CCM2L: variants seen among roughly 807,000 people sequenced by gnomAD.
The protein encoded by CCM2L is CCM2 like scaffold protein.
Under a neutral mutation model 54.1 loss-of-function variants are expected in CCM2L, and 36 were observed. The ratio of observed to expected loss-of-function variants is 0.67; its 90% CI spans 0.51 to 0.88. The LOEUF is 0.88. Among genes scored for constraint, CCM2L ranks in the 40% least tolerant of loss-of-function variants. The probability of loss-of-function intolerance (pLI) is 0.00; values close to 1 mark genes in which losing one functional copy is unlikely to be tolerated. For missense variants in CCM2L, 700 were observed against 812.1 expected, an observed-to-expected ratio of 0.86 and a Z score of 1.68; for synonymous variants, 351 against 359.3, an observed-to-expected ratio of 0.98 and a Z score of 0.26.
At chr20:32,018,685 A>G (rs886535319) in intron 4 of CCM2L, among the ~76,000 whole-genome samples, 4 of 151,686 alleles carry the variant, frequency 2.6e-5, no homozygotes, top group Non-Finnish European at 4.4e-5. Context: ...GTCTGAGGCC[A>G]GGGGCGCAGG....
chr20:32,020,695 G>T (rs1041032286), intron 5 of CCM2L, among the ~76,000 whole-genome samples: 1 of 152,076 alleles, frequency 6.6e-6, no homozygotes, highest in African/African-American at 2.4e-5. Context: ...AATAAATCCT[G>T]TTGGCTCTTA....
intron 7 of CCM2L, chr20:32,027,951 C>A (rs372950748): frequency 6.6e-6 from 1 of 152,258 alleles, no homozygotes; most frequent in African/African-American, 2.4e-5. Context: ...GCAATGAAAT[C>A]GCAATTTAAC....
At chr20:32,022,847 C>T (rs1436381288) in intron 6 of CCM2L, 52 bp downstream of exon 6, 30 of 1,595,894 alleles carry the variant, frequency 1.9e-5, no homozygotes, top group Non-Finnish European at 2.6e-5. Context: ...CCAAAAAGGC[C>T]AGGGGAGGGA....
chr20:32,014,780 A>G (rs2064724724), intron 1 of CCM2L, 124 bp from the exon 2 acceptor site: 2 of 912,238 alleles, frequency 2.2e-6, no homozygotes, highest in Middle Eastern at 5.6e-4. Flanking sequence ...TGGGACTTAC[A>G]GAGGTACCCC....
Position 32,031,090 on chromosome 20 carries a change from G to A in CCM2L, c.1492G>A (p.Asp498Asn), listed in dbSNP as rs1260105900. The change falls in exon 10 of 10, where the codon GAC becomes AAC. Residue 498 changes from aspartate (D) to asparagine (N), a missense_variant. By Grantham distance (23) the Asp-to-Asn change is conservative. Coordinates refer to ENST00000452892, the MANE Select transcript of CCM2L (RefSeq NM_001365692.1). ...CATCCGCGAGGGCGGCATCCTCACT[G>A]ACAGCTTCGGCCGCATCAAGCGCAG... ...VGIREGGILT[D>N]SFGRIKRSMS... 6.9e-6 allele frequency: 9 copies of A among 1,304,138 alleles called. No homozygotes were observed. The highest frequency in any genetic ancestry group is 9.1e-6 in the Non-Finnish European group (9 of 988,954). 80.8% of individuals were successfully genotyped at this position (1,304,138 alleles called of 1,614,324 possible). A position where few individuals can be genotyped will look rare whatever the true frequency, so the allele number is the denominator to read the frequency against.
rs926336328 is a variant in CCM2L at position 32,014,978 on chromosome 20, C to T, written c.105C>T (p.Ser35=). The T allele has an allele frequency of 1.8e-5, 29 of 1,591,170 alleles. No homozygotes were observed. Among genetic ancestry groups the T allele is most frequent in the Non-Finnish European group, 2.5e-5 (29 of 1,170,164 alleles). ...GRRAACRSSV[S]RRPLHSMPLY... ...GGGCAGCCTGTAGGAGCAGCGTGAG[C>T]CGCCGGCCCCTGCACTCGATGCCCC... The change falls in exon 2 of 10, where the codon AGC becomes AGT. Residue 35 remains serine, a synonymous_variant. Coordinates refer to ENST00000452892, the MANE Select transcript of CCM2L (RefSeq NM_001365692.1).
intron 7 of CCM2L, among the ~76,000 whole-genome samples, chr20:32,026,700 A>T (rs6061109): frequency 0.16 from 23,774 of 151,978 alleles, 2,006 homozygotes; most frequent in Middle Eastern, 0.26. Context: ...ACATGGCGAA[A>T]CCCCATCTCC....
rs563364213 is a variant in CCM2L, at chr20:32,031,069, C to A, written c.1471C>A (p.Arg491Ser). Residue 491 changes from arginine (R) to serine (S), a missense_variant, in exon 10 of 10, where the codon CGC (arginine) becomes AGC (serine). Arg to Ser is a moderately radical substitution (Grantham distance 110). Coordinates refer to ENST00000452892, the MANE Select transcript of CCM2L (RefSeq NM_001365692.1). ...FEGFLEGVGI[R>S]EGGILTDSFG... is the part of the protein sequence containing the mutation. ...GGGCTTCCTGGAGGGCGTGGGCATC[C>A]GCGAGGGCGGCATCCTCACTGACAG... The A allele has an allele frequency of 3.6e-4, 464 of 1,304,246 alleles. No homozygotes were observed. Among genetic ancestry groups the A allele is most frequent in the Non-Finnish European group, 3.9e-4 (390 of 988,948 alleles). 80.8% of individuals were successfully genotyped at this position (1,304,246 alleles called of 1,614,324 possible). A position where few individuals can be genotyped will look rare whatever the true frequency, so the allele number is the denominator to read the frequency against.
At position 32,031,391 on chromosome 20, in the gene CCM2L, G is replaced by T; in HGVS notation, c.*77G>T. The T allele has an allele frequency of 8.6e-7, 1 of 1,167,408 alleles. No individual in the cohort carries two copies. Among genetic ancestry groups the T allele is most frequent in the Admixed American group, 3.6e-5 (1 of 28,016 alleles). The allele number at this position is 1,167,408 out of a possible 1,614,324, so 72.3% of individuals were successfully genotyped here. ...TTTGCTTCGGGGACCCTATCCCCAG[G>T]GCCCCCCCATCACACCTGGCGGGGC... On this transcript the variant is annotated 3_prime_UTR_variant, in exon 10 of 10. Transcript: ENST00000452892.
At chr20:32,016,709 A>C (rs2064744506) in intron 2 of CCM2L, among the ~76,000 whole-genome samples, 1 of 152,192 alleles carries the variant, frequency 6.6e-6, no homozygotes, top group South Asian at 2.1e-4. Context: ...CTGGCATCCT[A>C]TATTTTATCT....
In CCM2L at chr20:32,032,133, C is replaced by A. The variant is rs1224259437; in HGVS notation, c.*819C>A. 1 of 152,232 alleles carries A rather than the reference C, an allele frequency of 6.6e-6. No individual in the cohort carries two copies. The highest frequency in any genetic ancestry group is 2.4e-5 in the African/African-American group (1 of 41,456). 9.4% of individuals were successfully genotyped at this position (152,232 alleles called of 1,614,324 possible). A position where few individuals can be genotyped will look rare whatever the true frequency, so the allele number is the denominator to read the frequency against. On this transcript the variant is annotated 3_prime_UTR_variant, in exon 10 of 10. Transcript: ENST00000452892. ...GAGGGTTAAGACCTTAGAACTGGGTCTAGCACCCGATAAGAGCTCAATAAA... is the reference window on the plus strand; with the variant it reads ...GAGGGTTAAGACCTTAGAACTGGGTATAGCACCCGATAAGAGCTCAATAAA...
intron 6 of CCM2L, among the ~76,000 whole-genome samples, chr20:32,024,314 A>C (rs1482484443): frequency 6.6e-6 from 1 of 152,198 alleles, no homozygotes; most frequent in African/African-American, 2.4e-5. Context: ...AGGCTGGGTT[A>C]GTTCAACTCT....
At chr20:32,016,060 T>C (rs1362895559) in intron 2 of CCM2L, among the ~76,000 whole-genome samples, 3 of 151,902 alleles carry the variant, frequency 2.0e-5, no homozygotes, top group African/African-American at 7.3e-5. Flanking sequence ...GGTTTCACTA[T>C]GTTGGTCAGG....
Position 32,031,116 on chromosome 20 carries a change from C to T in CCM2L, c.1518C>T (p.Ser506=). 7.7e-7 allele frequency: 1 copy of T among 1,304,240 alleles called. No individual in the cohort carries two copies. The highest frequency in any genetic ancestry group is 1.0e-6 in the Non-Finnish European group (1 of 988,952). The allele number at this position is 1,304,240 out of a possible 1,614,324, so 80.8% of individuals were successfully genotyped here. Residue 506 remains serine (S), a synonymous_variant, in exon 10 of 10, where the codon AGC becomes AGT. Transcript: ENST00000452892. ...ACAGCTTCGGCCGCATCAAGCGCAG[C>T]ATGAGCTCCACGTCGGCCTCCGCAG... The part of the protein sequence containing the change: ...LTDSFGRIKR[S]MSSTSASAVR...
rs899105138 is a variant in CCM2L at position 32,031,392 on chromosome 20, G to GC, written c.*85dup. On this transcript the variant is annotated 3_prime_UTR_variant, in exon 10 of 10. Transcript: ENST00000452892. The stretch of plus-strand genomic sequence containing the variant: ...TTGCTTCGGGGACCCTATCCCCAGG[G>GC]CCCCCCCATCACACCTGGCGGGGCC... 3.3e-5 allele frequency: 38 copies of GC among 1,163,612 alleles called. No homozygotes were observed. The highest frequency in any genetic ancestry group is 7.2e-5 in the Admixed American group (2 of 27,932). 72.1% of individuals were successfully genotyped at this position (1,163,612 alleles called of 1,614,324 possible).
Position 32,031,136 on chromosome 20 carries a change from C to T in CCM2L, c.1538C>T (p.Ser513Phe). ...CGCAGCATGAGCTCCACGTCGGCCT[C>T]CGCAGTGCGCAGCTACGATGGCGCG... ...IKRSMSSTSA[S>F]AVRSYDGAAQ... Residue 513 changes from serine to phenylalanine, a missense_variant, in exon 10 of 10, where the codon TCC becomes TTC. Coordinates refer to ENST00000452892, the MANE Select transcript of CCM2L (RefSeq NM_001365692.1). 7.7e-7 allele frequency: 1 copy of T among 1,304,068 alleles called. No homozygotes were observed. Among genetic ancestry groups the T allele is most frequent in the African/African-American group, 1.5e-5 (1 of 66,010 alleles). The allele number at this position is 1,304,068 out of a possible 1,614,324, so 80.8% of individuals were successfully genotyped here. A position where few individuals can be genotyped will look rare whatever the true frequency, so the allele number is the denominator to read the frequency against.
intron 6 of CCM2L, among the ~76,000 whole-genome samples, chr20:32,025,290 TC>T (rs957346401): frequency 6.6e-6 from 1 of 151,734 alleles, no homozygotes; most frequent in African/African-American, 2.4e-5. Flanking sequence ...TTATTTTTTT[TC>T]AGGGTCTGGC....
chr20:32,023,807 T>C (rs1220460148), intron 6 of CCM2L, among the ~76,000 whole-genome samples: 22 of 152,194 alleles, frequency 1.4e-4, no homozygotes. Flanking sequence ...TCTCGGCTCA[T>C]TGCAACCTCT....
chr20:32,025,988 G>A (rs914481391), intron 7 of CCM2L, 69 bp downstream of exon 7: 4 of 1,215,748 alleles, frequency 3.3e-6, no homozygotes, highest in Non-Finnish European at 3.3e-6. Flanking sequence ...TGACTAGAGA[G>A]GGTAGGAGAA....
Sources: allele counts gnomAD v4.1 joint callset (sites outside exome capture counted in the v4.1 genomes callset), GRCh38; gene constraint gnomAD v4.1.1; transcripts MANE v1.5; gene names NCBI Gene and HGNC (gene_info 2026-07-23, HGNC 2026-07-21).